Variants in CSMD1 observed in about 807,000 individuals in gnomAD.
The protein encoded by CSMD1 is CUB and sushi domain-containing protein 1.
CSMD1 carries 213 observed loss-of-function variants against 417.5 expected under a neutral mutation model. That is an observed-to-expected ratio of 0.51 (90% CI 0.46 to 0.57). The LOEUF is 0.57. Among genes scored for constraint, CSMD1 ranks in the 20% least tolerant of loss-of-function variants. CSMD1 has a pLI of 0.00. For synonymous variants in CSMD1, 2,862 were observed against 1,736.8 expected (o/e 1.65, Z -16.11); for missense variants, 6,923 against 4,529.7 (o/e 1.53, Z -15.17).
chr8:4,738,030 G>A (rs576912155), intron 1 of CSMD1, among the ~76,000 whole-genome samples: 2 of 152,302 alleles, frequency 1.3e-5, no homozygotes, highest in Non-Finnish European at 1.5e-5. Flanking sequence ...GAGAATGAGA[G>A]AGAATAAGAA....
At chr8:3,810,546 A>G (rs1010212862) in intron 5 of CSMD1, among the ~76,000 whole-genome samples, 1 of 152,122 alleles carries the variant, frequency 6.6e-6, no homozygotes, top group African/African-American at 2.4e-5. Flanking sequence ...TGTGGTCTGT[A>G]ATCAACCGAG....
chr8:3,774,264 T>C (rs1235759210), intron 5 of CSMD1, among the ~76,000 whole-genome samples: 1 of 152,134 alleles, frequency 6.6e-6, no homozygotes. Context: ...TTCTTACAGA[T>C]TGCTGCAATC....
At chr8:4,174,405 G>T (rs900608861) in intron 3 of CSMD1, among the ~76,000 whole-genome samples, 1 of 152,000 alleles carries the variant, frequency 6.6e-6, no homozygotes, top group South Asian at 2.1e-4. Flanking sequence ...TAAATTAAGA[G>T]AAATTGCACT....
chr8:3,273,098 T>A, intron 26 of CSMD1, among the ~76,000 whole-genome samples: 1 of 152,198 alleles, frequency 6.6e-6, no homozygotes, highest in African/African-American at 2.4e-5. Flanking sequence ...TATTTTGAGA[T>A]ACGTCCCATC....
intron 55 of CSMD1, among the ~76,000 whole-genome samples, chr8:2,976,722 C>T (rs1585081511): frequency 6.6e-6 from 1 of 152,050 alleles, no homozygotes; most frequent in African/African-American, 2.4e-5. Flanking sequence ...TTTGCTTCTG[C>T]CTAATTTCAA....
chr8:3,324,355 T>C (rs1164418948), intron 23 of CSMD1, among the ~76,000 whole-genome samples: 2 of 146,270 alleles, frequency 1.4e-5, no homozygotes, highest in Non-Finnish European at 3.0e-5. Flanking sequence ...TAGACACACA[T>C]CTAATCCCCA....
At chr8:4,239,593 C>G (rs1366150887) in intron 3 of CSMD1, among the ~76,000 whole-genome samples, 4 of 152,178 alleles carry the variant, frequency 2.6e-5, no homozygotes, top group South Asian at 2.1e-4. Flanking sequence ...CCCTAGCCAC[C>G]TGCCTCTCTT....
chr8:4,080,133 C>A (rs941906634), intron 3 of CSMD1, among the ~76,000 whole-genome samples: 1 of 151,898 alleles, frequency 6.6e-6, no homozygotes, highest in Admixed American at 6.6e-5. Context: ...CCCATAGGTA[C>A]ACCTGCTCAG....
chr8:3,331,626 T>C (rs1033023182), intron 23 of CSMD1, among the ~76,000 whole-genome samples: 1 of 152,204 alleles, frequency 6.6e-6, no homozygotes, highest in African/African-American at 2.4e-5. Context: ...TGAATGTGAA[T>C]TGCCTGGCAC....
chr8:4,486,362 C>A (rs1801418960), intron 2 of CSMD1, among the ~76,000 whole-genome samples: 1 of 150,180 alleles, frequency 6.7e-6, no homozygotes, highest in Non-Finnish European at 1.5e-5. Context: ...CAGGTTGCAT[C>A]TTAAACATGT....
In CSMD1 at chr8:3,500,947, T is replaced by C. The variant is rs528483629; in HGVS notation, c.1345-7221A>G. Among the ~76,000 whole-genome samples the C allele has an allele frequency of 7.2e-5, 11 of 152,258 alleles. No homozygotes were observed. The East Asian group carries it at 1.4e-3, about 19-fold the overall frequency. ...TTTAATGGAGAATATTGCAAGAGAA[T>C]AAGAATGATTCAATAAGTATATAAA... is the stretch of plus-strand genomic sequence containing the variant. On this transcript the variant is annotated intron_variant, in intron 10 of 69. Coordinates refer to ENST00000635120, the MANE Select transcript of CSMD1 (RefSeq NM_033225.6).
intron 20 of CSMD1, among the ~76,000 whole-genome samples, chr8:3,360,940 G>C (rs1039029878): frequency 8.6e-5 from 13 of 151,306 alleles, no homozygotes; most frequent in African/African-American, 2.7e-4. Flanking sequence ...AACTTTTATG[G>C]AACTCTGTAC....
chr8:4,052,103 A>C (rs1025660402), intron 3 of CSMD1, among the ~76,000 whole-genome samples: 1 of 151,838 alleles, frequency 6.6e-6, no homozygotes, highest in African/African-American at 2.4e-5. Context: ...TGTATTTTTA[A>C]AAATAGAGAC....
intron 7 of CSMD1, among the ~76,000 whole-genome samples, chr8:3,632,826 G>A (rs1796850350): frequency 6.6e-6 from 1 of 152,068 alleles, no homozygotes; most frequent in African/African-American, 2.4e-5. Flanking sequence ...TGTGTCTATT[G>A]GTTCCCCTTC....
rs935968356 is a variant in CSMD1, at chr8:3,396,269, T to A, written c.2518A>T (p.Thr840Ser). 6.3e-7 allele frequency: 1 copy of A among 1,592,662 alleles called. No homozygotes were observed. Among genetic ancestry groups the A allele is most frequent in the Admixed American group, 1.8e-5 (1 of 56,772 alleles). Residue 840 changes from threonine (T) to serine (S), a missense_variant, in exon 17 of 70, where the codon ACC (threonine) becomes TCC (serine). By Grantham distance (58) the Thr-to-Ser change is moderately conservative. Coordinates refer to ENST00000635120, the MANE Select transcript of CSMD1 (RefSeq NM_033225.6). ...GTQAPQFLIS[T>S]GNFMYLLFTT... is the part of the protein sequence containing the mutation. ...AACAGCAGGTACATGAAGTTCCCGGTGCTGATGAGGAACTGGGGTGCCTGG... is the reference window on the plus strand; with the variant it reads ...AACAGCAGGTACATGAAGTTCCCGGAGCTGATGAGGAACTGGGGTGCCTGG...
chr8:3,546,462 G>C (rs1021605974), intron 10 of CSMD1, among the ~76,000 whole-genome samples: 3 of 151,936 alleles, frequency 2.0e-5, no homozygotes, highest in South Asian at 2.1e-4. Context: ...CTTGAACCAG[G>C]GAGTCGGAGC....
At chr8:3,305,035 A>ATATT (rs1563250324) in intron 25 of CSMD1, among the ~76,000 whole-genome samples, 2 of 152,126 alleles carry the variant, frequency 1.3e-5, no homozygotes. Flanking sequence ...TTAAGGACTA[A>ATATT]TATTTAATTT....
intron 1 of CSMD1, among the ~76,000 whole-genome samples, chr8:4,648,448 G>T (rs907859392): frequency 3.9e-5 from 6 of 152,122 alleles, no homozygotes; most frequent in African/African-American, 1.4e-4. Flanking sequence ...ACAAGGGCAT[G>T]AAATAGATCT....
chr8:4,017,087 A>T (rs1363351651), intron 4 of CSMD1, among the ~76,000 whole-genome samples: 1 of 152,218 alleles, frequency 6.6e-6, no homozygotes, highest in Non-Finnish European at 1.5e-5. Flanking sequence ...GAATGTACTC[A>T]GTGACCGCGG....
Sources: gnomAD v4.1 joint callset for allele counts (sites outside exome capture counted in the v4.1 genomes callset) on GRCh38, gnomAD v4.1.1 for gene constraint, MANE v1.5 for transcripts, NCBI Gene and HGNC (gene_info 2026-07-23, HGNC 2026-07-21) for gene names.